NCK1: variants seen among roughly 807,000 people sequenced by gnomAD.
NCK1 encodes NCK adaptor protein 1, also known as SH2/SH3 adapter protein NCK1.
A neutral mutation model predicts 36.6 loss-of-function variants in NCK1; 19 were observed. That is an observed-to-expected ratio of 0.52 (90% CI 0.36 to 0.76). NCK1 has a LOEUF of 0.76. Ranked by LOEUF, NCK1 falls within the 30% of genes least tolerant of loss-of-function variation. The probability of loss-of-function intolerance (pLI) is 0.00; values close to 1 mark genes in which losing one functional copy is unlikely to be tolerated. For synonymous variants in NCK1, 165 were observed against 156.0 expected (o/e 1.06, Z -0.43); for missense variants, 358 against 445.6 (o/e 0.80, Z 1.77).
intron 1 of NCK1, among the ~76,000 whole-genome samples, chr3:136,891,644 C>T (rs1170176011): frequency 6.6e-6 from 1 of 152,208 alleles, no homozygotes; most frequent in Non-Finnish European, 1.5e-5. Context: ...ACCATCTTAT[C>T]TTCCCACCAG....
chr3:136,885,025 T>C (rs542300125), intron 1 of NCK1, among the ~76,000 whole-genome samples: 4 of 152,318 alleles, frequency 2.6e-5, no homozygotes, highest in African/African-American at 9.6e-5. Flanking sequence ...CTGCTGAAGT[T>C]CTTATGTTTT....
At chr3:136,937,241 C>A (rs1046048833) in intron 2 of NCK1, among the ~76,000 whole-genome samples, 24 of 152,144 alleles carry the variant, frequency 1.6e-4, no homozygotes. Context: ...ATTGAGTGAT[C>A]TTGGCACCAT....
intron 2 of NCK1, among the ~76,000 whole-genome samples, chr3:136,943,142 T>A (rs1940719865): frequency 6.6e-6 from 1 of 150,432 alleles, no homozygotes; most frequent in South Asian, 2.1e-4. Flanking sequence ...TTTTATAAGT[T>A]TTTTTTTTTT....
chr3:136,924,798 C>G (rs560816810), intron 1 of NCK1, among the ~76,000 whole-genome samples: 83 of 152,226 alleles, frequency 5.5e-4, no homozygotes, highest in African/African-American at 1.8e-3. Flanking sequence ...GAACGCTAAG[C>G]TTGTGAGAGT....
At chr3:136,918,184 G>A (rs1321194418) in intron 1 of NCK1, among the ~76,000 whole-genome samples, 1 of 151,890 alleles carries the variant, frequency 6.6e-6, no homozygotes, top group East Asian at 1.9e-4. Context: ...TGTATAGCTA[G>A]GTTTCTTCTG....
chr3:136,913,559 C>CA (rs1343488435), intron 1 of NCK1, among the ~76,000 whole-genome samples: 2 of 152,236 alleles, frequency 1.3e-5, no homozygotes, highest in East Asian at 3.9e-4. Flanking sequence ...TGAGACACTG[C>CA]ACCCAGCCCT....
chr3:136,944,365 G>T (rs929640289), intron 2 of NCK1, among the ~76,000 whole-genome samples: 1 of 152,002 alleles, frequency 6.6e-6, no homozygotes, highest in Admixed American at 6.5e-5. Flanking sequence ...TGATCTGCCC[G>T]CCTCAGCCTC....
chr3:136,939,893 T>C (rs1406863171), intron 2 of NCK1, among the ~76,000 whole-genome samples: 3 of 141,680 alleles, frequency 2.1e-5, no homozygotes, highest in Non-Finnish European at 3.0e-5. Context: ...CTTTGTTACC[T>C]AGGCTGGAGT....
chr3:136,912,156 T>C (rs1345511407), intron 1 of NCK1, among the ~76,000 whole-genome samples: 1 of 92,954 alleles, frequency 1.1e-5, no homozygotes, highest in African/African-American at 3.2e-5. Flanking sequence ...TTAGCTATTA[T>C]TTTTTCTTTT....
intron 1 of NCK1, among the ~76,000 whole-genome samples, chr3:136,919,067 A>C (rs1180617694): frequency 6.6e-6 from 1 of 152,220 alleles, no homozygotes; most frequent in Admixed American, 6.5e-5. Flanking sequence ...CACAAATGAA[A>C]CAAATGCATT....
chr3:136,935,544 G>A (rs1576988014), intron 2 of NCK1, among the ~76,000 whole-genome samples: 1 of 152,094 alleles, frequency 6.6e-6, no homozygotes, highest in Non-Finnish European at 1.5e-5. Context: ...ATGATGGGTC[G>A]ACTGAGGGAG....
At chr3:136,930,464 TG>T in intron 2 of NCK1, 1 of 1,275,644 alleles carries the variant, frequency 7.8e-7, no homozygotes, top group Non-Finnish European at 9.9e-7. Context: ...GGATTGGGTG[TG>T]GGAAGTTTCA....
intron 1 of NCK1, among the ~76,000 whole-genome samples, chr3:136,923,412 C>T (rs536472179): frequency 3.8e-4 from 57 of 151,996 alleles, no homozygotes; most frequent in Non-Finnish European, 5.7e-4. Context: ...AAAAATTAGC[C>T]GGGCATGGTG....
At chr3:136,894,312 A>G (rs1030968048) in intron 1 of NCK1, among the ~76,000 whole-genome samples, 6 of 152,120 alleles carry the variant, frequency 3.9e-5, no homozygotes, top group African/African-American at 4.8e-5. Context: ...TGAAGAGTCA[A>G]TCTAACTTCT....
intron 1 of NCK1, among the ~76,000 whole-genome samples, chr3:136,879,204 A>C (rs180934122): frequency 6.6e-6 from 1 of 152,050 alleles, no homozygotes; most frequent in Admixed American, 6.6e-5. Context: ...CATAAAGTAG[A>C]GGAAAAGATG....
chr3:136,936,829 T>C (rs1940544069), intron 2 of NCK1, among the ~76,000 whole-genome samples: 1 of 152,242 alleles, frequency 6.6e-6, no homozygotes, highest in East Asian at 1.9e-4. Context: ...AGTAGTTGTT[T>C]TTGTTGTTGG....
chr3:136,883,371 C>T (rs1487436100), intron 1 of NCK1, among the ~76,000 whole-genome samples: 2 of 152,094 alleles, frequency 1.3e-5, no homozygotes. Flanking sequence ...AACCTATGTA[C>T]TTTGCAGTTT....
At chr3:136,917,379 C>G (rs1437543848) in intron 1 of NCK1, among the ~76,000 whole-genome samples, 1 of 152,186 alleles carries the variant, frequency 6.6e-6, no homozygotes, top group African/African-American at 2.4e-5. Flanking sequence ...CAGGCCTGGC[C>G]TGGTTCCTAT....
intron 1 of NCK1, among the ~76,000 whole-genome samples, chr3:136,902,863 C>T (rs947079249): frequency 1.3e-5 from 2 of 152,190 alleles, no homozygotes; most frequent in African/African-American, 4.8e-5. Context: ...AGTAAAGTTG[C>T]AGGACAAAAT....
Sources: gnomAD v4.1 joint callset for allele counts (sites outside exome capture counted in the v4.1 genomes callset) on GRCh38, gnomAD v4.1.1 for gene constraint, MANE v1.5 for transcripts, NCBI Gene and HGNC (gene_info 2026-07-23, HGNC 2026-07-21) for gene names.